The following ECM2 variants were observed in gnomAD, a reference collection of about 807,000 sequenced individuals.
The protein encoded by ECM2 is extracellular matrix protein 2, female organ and adipocyte specific.
ECM2 carries 57 observed loss-of-function variants against 67.5 expected under a neutral mutation model. The ratio of observed to expected loss-of-function variants is 0.84; its 90% CI spans 0.68 to 1.05. ECM2 has a LOEUF of 1.05. Ranked by LOEUF, ECM2 falls within the 50% of genes least tolerant of loss-of-function variation. ECM2 has a pLI of 0.00. For synonymous variants in ECM2, 258 were observed against 294.5 expected, an observed-to-expected ratio of 0.88 and a Z score of 1.27; for missense variants, 741 against 822.8, an observed-to-expected ratio of 0.90 and a Z score of 1.22.
At position 92,524,318 on chromosome 9, in the gene ECM2, A is replaced by G. The variant is rs373114374; in HGVS notation, c.-27-1425T>C. On this transcript the variant is annotated intron_variant, in intron 1 of 9. Coordinates refer to ENST00000344604, the MANE Select transcript of ECM2 (RefSeq NM_001393.4). ...TCAGGGTTAGTATAGGGCCTTGCAC[A>G]TGGTAAAGCTGAAAAACATTTAAGA... Among the ~76,000 whole-genome samples, 3 of 152,302 alleles carry G rather than the reference A, an allele frequency of 2.0e-5. No homozygotes were observed. The East Asian group carries it at 5.8e-4, about 29-fold the overall frequency.
At chr9:92,494,482 T>C (rs1180620870), downstream of ECM2, among the ~76,000 whole-genome samples, 3 of 152,238 alleles carry the variant, frequency 2.0e-5, no homozygotes, top group Non-Finnish European at 2.9e-5. Context: ...CATAAAATTC[T>C]AGTTTTCTTC....
At chr9:92,493,576 T>A (rs1846230354), downstream of ECM2, 1 of 152,258 alleles carries the variant, frequency 6.6e-6, no homozygotes, top group Non-Finnish European at 1.5e-5. Flanking sequence ...GACCAGGACT[T>A]CTTTAGTGTA....
chr9:92,512,782 G>C lies in ECM2; in HGVS notation c.1055-656C>G, dbSNP rs189220158. Among the ~76,000 whole-genome samples the C allele has an allele frequency of 4.9e-3, 739 of 152,308 alleles. 4 individuals carry two copies. The highest frequency in any genetic ancestry group is 0.012 in the South Asian group (59 of 4,826). On this transcript the variant is annotated intron_variant, in intron 4 of 9. Coordinates refer to ENST00000344604, the MANE Select transcript of ECM2 (RefSeq NM_001393.4). Reference sequence around the variant, plus strand: ...CAGTAGTACATACCATAAAAGCCACGTGGTGACCTTCTTATAAAACCATAA... The same window carrying C: ...CAGTAGTACATACCATAAAAGCCACCTGGTGACCTTCTTATAAAACCATAA...
rs200996729 is a variant in ECM2 at position 92,528,469 on chromosome 9, C to G, written c.-27-5576G>C. ...GAGATGTGAAGTCTTCCACTGAGTACTGGATAGCACATGTATGTAAGTAAA... is the reference window on the plus strand; with the variant it reads ...GAGATGTGAAGTCTTCCACTGAGTAGTGGATAGCACATGTATGTAAGTAAA... On this transcript the variant is annotated intron_variant, in intron 1 of 9. Transcript: ENST00000344604. Among the ~76,000 whole-genome samples the G allele has an allele frequency of 2.6e-5, 4 of 152,136 alleles. No homozygotes were observed. The East Asian group carries it at 7.7e-4, about 29-fold the overall frequency.
chr9:92,496,586 G>A (rs1223367915), intron 9 of ECM2, 103 bp from the exon 10 acceptor site: 2 of 1,440,222 alleles, frequency 1.4e-6, no homozygotes, highest in Non-Finnish European at 1.8e-6. Context: ...TTAAAATAAA[G>A]TTGGATCCTT....
the ECM2 span, among the ~76,000 whole-genome samples, chr9:92,550,654 G>T: frequency 2.0e-5 from 3 of 152,062 alleles, no homozygotes; most frequent in African/African-American, 7.2e-5. Flanking sequence ...GGGATGTAAG[G>T]GTTGAGGCAA....
chr9:92,525,551 T>A (rs1003380959), intron 1 of ECM2, among the ~76,000 whole-genome samples: 3 of 152,112 alleles, frequency 2.0e-5, no homozygotes, highest in African/African-American at 7.2e-5. Flanking sequence ...ATAATGTTTG[T>A]GGTGATGCTG....
intron 3 of ECM2, chr9:92,517,059 G>GT (rs1847771729): frequency 6.7e-6 from 1 of 149,994 alleles, no homozygotes; most frequent in Admixed American, 6.6e-5. Context: ...ATTCAGTCAG[G>GT]TATGAGCCTC....
intron 7 of ECM2, 54 bp from the exon 8 acceptor site, chr9:92,502,706 A>G: frequency 7.2e-7 from 1 of 1,389,352 alleles, no homozygotes; most frequent in Non-Finnish European, 9.8e-7. Context: ...TGATACGTTC[A>G]ATTTCATGGA....
intron 7 of ECM2, among the ~76,000 whole-genome samples, chr9:92,504,697 G>T (rs910582112): frequency 6.6e-6 from 1 of 152,024 alleles, no homozygotes; most frequent in Non-Finnish European, 1.5e-5. Flanking sequence ...ACCATGACTG[G>T]CTATTTTTTT....
intron 9 of ECM2, among the ~76,000 whole-genome samples, chr9:92,498,157 A>G (rs890146264): frequency 3.9e-5 from 6 of 152,212 alleles, no homozygotes; most frequent in Non-Finnish European, 8.8e-5. Context: ...CTTTTGTGTA[A>G]TAATTTGTAT....
chr9:92,517,589 C>A, intron 3 of ECM2, 98 bp downstream of exon 3: 3 of 1,520,912 alleles, frequency 2.0e-6, no homozygotes, highest in Non-Finnish European at 2.7e-6. Context: ...TCAGATCTGA[C>A]TAATGTATCA....
chr9:92,505,372 T>C (rs1376320884), intron 7 of ECM2, among the ~76,000 whole-genome samples, 161 bp downstream of exon 7: 1 of 152,208 alleles, frequency 6.6e-6, no homozygotes, highest in African/African-American at 2.4e-5. Context: ...CAGAATTTTG[T>C]ATTGCTTGAA....
intron 1 of ECM2, among the ~76,000 whole-genome samples, chr9:92,530,414 A>C (rs561324257): frequency 6.6e-6 from 1 of 152,344 alleles, no homozygotes; most frequent in Admixed American, 6.5e-5. Context: ...TTTGAAAAAA[A>C]GTCTGTTAAA....
In ECM2 at chr9:92,515,174, A is replaced by G. The variant is rs1445423703; in HGVS notation, c.511T>C (p.Leu171=). 1 of 1,605,588 alleles carries G rather than the reference A, an allele frequency of 6.2e-7. No homozygotes were observed. Among genetic ancestry groups the G allele is most frequent in the Non-Finnish European group, 8.5e-7 (1 of 1,176,802 alleles). The change falls in exon 4 of 10, where the codon TTA becomes CTA. Residue 171 remains leucine, a synonymous_variant. Transcript: ENST00000344604. The part of the protein sequence containing the change: ...VSYSLLSGIA[L]NDRNEFSGDS... ...CCAGAAAATTCATTTCTATCATTTA[A>G]TGCTATACCACTGAGTAGAGAATAG...
chr9:92,522,490 C>G, intron 2 of ECM2, 85 bp downstream of exon 2: 2 of 1,221,988 alleles, frequency 1.6e-6, no homozygotes, highest in Non-Finnish European at 2.2e-6. Flanking sequence ...AGATGTTCTC[C>G]CTCTCTCCCT....
At chr9:92,500,635 TAAC>T in intron 9 of ECM2, 89 bp downstream of exon 9, 1 of 1,329,790 alleles carries the variant, frequency 7.5e-7, no homozygotes, top group Middle Eastern at 2.4e-4. Flanking sequence ...TTTTTTCCCT[TAAC>T]GTAAATCCCA....
At position 92,514,948 on chromosome 9, in the gene ECM2, C is replaced by G; in HGVS notation, c.737G>C (p.Arg246Thr). 1 of 1,614,130 alleles carries G rather than the reference C, an allele frequency of 6.2e-7. No homozygotes were observed. The highest frequency in any genetic ancestry group is 8.5e-7 in the Non-Finnish European group (1 of 1,180,006). Reference sequence around the variant, plus strand: ...AGGCCTCTGCTTTCTGTCTCCTCCTCTGCTGTCCCCCTCACTGTAAAGTTG... The same window carrying G: ...AGGCCTCTGCTTTCTGTCTCCTCCTGTGCTGTCCCCCTCACTGTAAAGTTG... ...QGQLYSEGDS[R>T]GGDRKQRPGE... Residue 246 changes from arginine (R) to threonine (T), a missense_variant, in exon 4 of 10, where the codon AGA becomes ACA. By Grantham distance (71) the Arg-to-Thr change is moderately conservative. Coordinates refer to ENST00000344604, the MANE Select transcript of ECM2 (RefSeq NM_001393.4).
chr9:92,552,004 GTA>G, the ECM2 span, among the ~76,000 whole-genome samples: 5 of 138,730 alleles, frequency 3.6e-5, 1 homozygote, highest in South Asian at 2.4e-4. Flanking sequence ...ATATATATGT[GTA>G]TATATATGAT....
Sources: allele counts gnomAD v4.1 joint callset (sites outside exome capture counted in the v4.1 genomes callset), GRCh38; gene constraint gnomAD v4.1.1; transcripts MANE v1.5; gene names NCBI Gene and HGNC (gene_info 2026-07-23, HGNC 2026-07-21).